Variants in IPO5 observed in about 807,000 individuals in gnomAD.
The protein encoded by IPO5 is importin 5, also known as importin-5.
Under a neutral mutation model 143.3 loss-of-function variants are expected in IPO5, and 18 were observed. The ratio of observed to expected loss-of-function variants is 0.13; its 90% CI spans 0.09 to 0.19. The LOEUF (loss-of-function observed/expected upper bound fraction) is 0.19, where lower values mean the gene tolerates loss of function less well. Among genes scored for constraint, IPO5 ranks in the 10% least tolerant of loss-of-function variants. IPO5 has a pLI of 1.00. For missense variants in IPO5, 1,013 were observed against 1,336.9 expected (o/e 0.76, Z 3.78); for synonymous variants, 477 against 465.7 (o/e 1.02, Z -0.31).
chr13:97,953,957 T>A (rs1882896464), intron 1 of IPO5, 162 bp from the exon 2 acceptor site: 1 of 455,428 alleles, frequency 2.2e-6, no homozygotes, highest in Non-Finnish European at 4.4e-6. Context: ...TCATGATGGC[T>A]CATTGTTCTT....
At chr13:97,980,805 C>A (rs981287388) in intron 4 of IPO5, among the ~76,000 whole-genome samples, 1 of 142,822 alleles carries the variant, frequency 7.0e-6, no homozygotes, top group African/African-American at 2.6e-5. Flanking sequence ...CTAGCCTGGG[C>A]GACAGAGTGA....
At chr13:97,981,100 C>A in intron 4 of IPO5, 1 of 323,278 alleles carries the variant, frequency 3.1e-6, no homozygotes, top group East Asian at 9.4e-5. Flanking sequence ...AAATTCAAAC[C>A]ATCTTCTCTC....
chr13:98,001,534 G>A (rs1163197722), intron 13 of IPO5: 1 of 152,264 alleles, frequency 6.6e-6, no homozygotes, highest in African/African-American at 2.4e-5. Flanking sequence ...CTGGAGTGCA[G>A]TGGTGCAATC....
chr13:97,963,653 C>A (rs376650724), intron 2 of IPO5, among the ~76,000 whole-genome samples: 1 of 152,150 alleles, frequency 6.6e-6, no homozygotes, highest in East Asian at 1.9e-4. Context: ...TAGGTGTGAG[C>A]CACTGCACCC....
At chr13:97,996,500 A>AC (rs1336967797) in intron 11 of IPO5, among the ~76,000 whole-genome samples, 1 of 151,404 alleles carries the variant, frequency 6.6e-6, no homozygotes, top group Non-Finnish European at 1.5e-5. Context: ...CGCTTATTCC[A>AC]CCCCCAGGGC....
rs1374570267 is a variant in IPO5 at position 97,969,721 on chromosome 13, A to G, written c.-112-2A>G. The G allele has an allele frequency of 7.8e-7, 1 of 1,280,684 alleles. No homozygotes were observed. Among genetic ancestry groups the G allele is most frequent in the East Asian group, 2.3e-5 (1 of 43,174 alleles). 79.3% of individuals were successfully genotyped at this position (1,280,684 alleles called of 1,614,324 possible). On this transcript the variant is annotated splice_acceptor_variant, in intron 2 of 28. Coordinates refer to ENST00000651721, the MANE Select transcript of IPO5 (RefSeq NM_002271.6). LOFTEE classifies it low-confidence loss of function (5UTR_SPLICE). Reference sequence around the variant, plus strand: ...TCCACCATTCTGTTTCTGTCAAATCAGCAGAGGAAAGAAATTCCTAAGGGA... The same window carrying G: ...TCCACCATTCTGTTTCTGTCAAATCGGCAGAGGAAAGAAATTCCTAAGGGA...
At chr13:97,970,128 A>G (rs1885695887) in intron 3 of IPO5, among the ~76,000 whole-genome samples, 1 of 152,260 alleles carries the variant, frequency 6.6e-6, no homozygotes, top group South Asian at 2.1e-4. Flanking sequence ...CAAATCACAT[A>G]TGCAATTTTA....
chr13:98,008,949 T>C (rs1175745574), intron 18 of IPO5, among the ~76,000 whole-genome samples: 1 of 152,240 alleles, frequency 6.6e-6, no homozygotes, highest in Non-Finnish European at 1.5e-5. Flanking sequence ...TGTTGTTGTT[T>C]GCTTTCTTTG....
chr13:97,979,378 G>A (rs1340871451), intron 4 of IPO5, among the ~76,000 whole-genome samples: 1 of 152,068 alleles, frequency 6.6e-6, no homozygotes, highest in African/African-American at 2.4e-5. Context: ...TTTTTTCGTC[G>A]TATATGCCAT....
At chr13:98,004,450 G>A (rs1170079563) in intron 16 of IPO5, among the ~76,000 whole-genome samples, 2 of 152,176 alleles carry the variant, frequency 1.3e-5, no homozygotes, top group African/African-American at 4.8e-5. Flanking sequence ...TTGGTTGGTT[G>A]GTTAAATCAG....
intron 2 of IPO5, among the ~76,000 whole-genome samples, chr13:97,959,054 C>A (rs1040206993): frequency 2.0e-5 from 3 of 151,928 alleles, no homozygotes; most frequent in African/African-American, 7.3e-5. Context: ...CACCTGTAAT[C>A]CCAGCTACTC....
chr13:97,993,221 G>A lies in IPO5; in HGVS notation c.909G>A (p.Gln303=). 2 of 1,613,568 alleles carry A rather than the reference G, an allele frequency of 1.2e-6. No individual in the cohort carries two copies. The highest frequency in any genetic ancestry group is 2.7e-5 in the African/African-American group (2 of 75,032). The change falls in exon 11 of 29, where the codon CAG becomes CAA. Residue 303 remains glutamine (Q), a synonymous_variant. Transcript: ENST00000651721. ...MLRKHTNIVA[Q]TIPQMLAMMV... is the part of the protein sequence containing the mutation. ...GAAAACATACCAATATTGTTGCACA[G>A]ACTAGTAAGTCAATGGTCTTCAGAT...
intron 13 of IPO5, chr13:98,001,567 T>TC (rs1888779321): frequency 1.3e-5 from 2 of 152,202 alleles, no homozygotes; most frequent in African/African-American, 4.8e-5. Context: ...AATGTTCACC[T>TC]CCCAGTTTCA....
At chr13:97,960,404 G>A (rs1884765784) in intron 2 of IPO5, 1 of 152,078 alleles carries the variant, frequency 6.6e-6, no homozygotes, top group African/African-American at 2.4e-5. Flanking sequence ...CAGAACTAAG[G>A]TAAAAATACT....
At position 98,015,769 on chromosome 13, in the gene IPO5, A is replaced by G. The variant is rs537218472; in HGVS notation, c.2481A>G (p.Ser827=). 17 of 1,607,596 alleles carry G rather than the reference A, an allele frequency of 1.1e-5. No individual in the cohort carries two copies. The highest frequency in any genetic ancestry group is 1.7e-5 in the Admixed American group (1 of 58,822). ...ACTATGATGAACAGGTCGAAGAGTC[A>G]CTACAAGATGAGGTAAGTTATTCCC... ...DEDYDEQVEE[S]LQDEDDNDVY... The change falls in exon 24 of 29, where the codon TCA becomes TCG. Residue 827 remains serine (S), a synonymous_variant. Transcript: ENST00000651721.
At position 98,002,787 on chromosome 13, in the gene IPO5, C is replaced by T. The variant is rs763525430; in HGVS notation, c.1323+14C>T. 6.2e-7 allele frequency: 1 copy of T among 1,601,120 alleles called. No individual in the cohort carries two copies. The highest frequency in any genetic ancestry group is 8.5e-7 in the Non-Finnish European group (1 of 1,175,086). On this transcript the variant is annotated intron_variant, in intron 15 of 28. Transcript: ENST00000651721. ...TTTCATGAGAAGGTAAGTAACAAGTCCTCAAACACTTAAATCAGACTTTAG... is the reference window on the plus strand; with the variant it reads ...TTTCATGAGAAGGTAAGTAACAAGTTCTCAAACACTTAAATCAGACTTTAG...
intron 26 of IPO5, among the ~76,000 whole-genome samples, chr13:98,019,179 C>G (rs1890316302): frequency 6.6e-6 from 1 of 152,104 alleles, no homozygotes; most frequent in South Asian, 2.1e-4. Flanking sequence ...GTCTCGATCT[C>G]CTGACCTCGT....
intron 13 of IPO5, among the ~76,000 whole-genome samples, chr13:98,001,429 G>A (rs562782730): frequency 1.3e-5 from 2 of 152,138 alleles, no homozygotes; most frequent in Non-Finnish European, 2.9e-5. Flanking sequence ...GGATTCAAGC[G>A]ATTCTCCTGC....
chr13:97,983,540 C>A (rs868501980), intron 5 of IPO5, among the ~76,000 whole-genome samples: 1 of 25,312 alleles, frequency 4.0e-5, no homozygotes, highest in Non-Finnish European at 7.6e-5. Context: ...TAATTCCACC[C>A]CCCCCCCCCA....
Sources: gnomAD v4.1 joint callset for allele counts (sites outside exome capture counted in the v4.1 genomes callset) on GRCh38, gnomAD v4.1.1 for gene constraint, MANE v1.5 for transcripts, NCBI Gene and HGNC (gene_info 2026-07-23, HGNC 2026-07-21) for gene names.